Variants in TOM1L2 observed in about 807,000 individuals in gnomAD.
TOM1L2 encodes target of myb1 like 2 membrane trafficking protein, also known as TOM1-like protein 2.
TOM1L2 carries 31 observed loss-of-function variants against 67.9 expected under a neutral mutation model. The observed-to-expected ratio is 0.46, with a 90% CI of 0.34 to 0.62. The LOEUF (loss-of-function observed/expected upper bound fraction) is 0.62. TOM1L2 is among the 20% of genes least tolerant of loss of function. TOM1L2 has a pLI of 0.01. For missense variants in TOM1L2, 606 were observed against 663.5 expected, an observed-to-expected ratio of 0.91 and a Z score of 0.95; for synonymous variants, 256 against 254.0, an observed-to-expected ratio of 1.01 and a Z score of -0.07.
chr17:17,966,741 C>T (rs1043940844), intron 1 of TOM1L2, among the ~76,000 whole-genome samples: 1 of 152,206 alleles, frequency 6.6e-6, no homozygotes, highest in Non-Finnish European at 1.5e-5. Context: ...TTATGTGATA[C>T]AGGGATGATA....
At chr17:17,912,154 T>G (rs2039388948) in intron 1 of TOM1L2, among the ~76,000 whole-genome samples, 1 of 152,240 alleles carries the variant, frequency 6.6e-6, no homozygotes, top group Non-Finnish European at 1.5e-5. Context: ...TGGCCGGTTC[T>G]CAATGAGCCG....
chr17:17,892,773 A>G (rs1283735467), intron 4 of TOM1L2, among the ~76,000 whole-genome samples: 2 of 152,126 alleles, frequency 1.3e-5, no homozygotes, highest in Non-Finnish European at 2.9e-5. Flanking sequence ...CTTCTAACAA[A>G]TAGAATATAA....
intron 1 of TOM1L2, among the ~76,000 whole-genome samples, chr17:17,929,602 GC>G (rs1345470187): frequency 3.9e-5 from 6 of 152,116 alleles, no homozygotes; most frequent in Non-Finnish European, 8.8e-5. Flanking sequence ...TTGTACTCCA[GC>G]CTGGGCAACA....
Position 17,972,387 on chromosome 17 carries a change from C to G in TOM1L2, c.-74G>C. 6.5e-7 allele frequency: 1 copy of G among 1,539,000 alleles called. No homozygotes were observed. The stretch of plus-strand genomic sequence containing the variant: ...GCCTCCGCTGTAACCCGCCGGACTC[C>G]CGTCCTGACTGACACTTGCCCCCTC... On this transcript the variant is annotated 5_prime_UTR_variant, in exon 1 of 15. Coordinates refer to ENST00000379504, the MANE Select transcript of TOM1L2 (RefSeq NM_001082968.2).
intron 2 of TOM1L2, among the ~76,000 whole-genome samples, chr17:17,902,378 T>C (rs1453555268): frequency 6.6e-6 from 1 of 152,112 alleles, no homozygotes; most frequent in Non-Finnish European, 1.5e-5. Context: ...GACCACAGCC[T>C]CCCATTGGTA....
At chr17:17,870,271 A>G (rs1240530900) in intron 7 of TOM1L2, among the ~76,000 whole-genome samples, 2 of 152,192 alleles carry the variant, frequency 1.3e-5, no homozygotes, top group African/African-American at 2.4e-5. Context: ...CCCCGTGACG[A>G]CAGAGCCTTA....
In TOM1L2 at chr17:17,971,434, C is replaced by T. The variant is rs1037854934; in HGVS notation, c.52+828G>A. 2.0e-5 allele frequency among the ~76,000 whole-genome samples: 3 copies of T among 152,090 alleles called. No homozygotes were observed. In the East Asian group the frequency reaches 5.8e-4, roughly 29 times the overall value. On this transcript the variant is annotated intron_variant, in intron 1 of 14. Transcript: ENST00000379504. ...CTTCTTTCCTGGGAGGCACTGCAGG[C>T]ATGCCATCCCCCTGCCAAGATAATC... is the stretch of plus-strand genomic sequence containing the variant.
rs1202940722 is a variant in TOM1L2 at position 17,843,814 on chromosome 17, G to A, written c.*3821C>T. The A allele has an allele frequency of 2.0e-5, 3 of 152,418 alleles. No individual in the cohort carries two copies. The highest frequency in any genetic ancestry group is 1.5e-5 in the Non-Finnish European group (1 of 68,050). The allele number at this position is 152,418 out of a possible 1,614,324, so 9.4% of individuals were successfully genotyped here. On this transcript the variant is annotated 3_prime_UTR_variant, in exon 15 of 15. Transcript: ENST00000379504. ...GAAATAAATATCCGTCCCCCTCTCC[G>A]GGAGAGCCTGGAGGTATGGACAGAC...
intron 4 of TOM1L2, among the ~76,000 whole-genome samples, chr17:17,891,382 G>A (rs1236100834): frequency 6.6e-6 from 1 of 152,246 alleles, no homozygotes; most frequent in Admixed American, 6.5e-5. Flanking sequence ...GCTAGGAGGA[G>A]CTGGAAAGTG....
chr17:17,854,510 TTTAG>T (rs2036160381), intron 12 of TOM1L2, among the ~76,000 whole-genome samples: 1 of 151,790 alleles, frequency 6.6e-6, no homozygotes, highest in African/African-American at 2.4e-5. Flanking sequence ...TATTTATTTA[TTTAG>T]TTATTTATTT....
chr17:17,891,620 G>C (rs1383881901), intron 4 of TOM1L2, among the ~76,000 whole-genome samples: 1 of 152,208 alleles, frequency 6.6e-6, no homozygotes, highest in African/African-American at 2.4e-5. Flanking sequence ...CTGCAGACAG[G>C]CCTCGGGGTC....
chr17:17,950,183 G>A (rs1191438781), intron 1 of TOM1L2, among the ~76,000 whole-genome samples: 2 of 151,858 alleles, frequency 1.3e-5, no homozygotes, highest in East Asian at 1.9e-4. Flanking sequence ...TTGAGATGGC[G>A]TATCACTCTG....
chr17:17,882,966 A>C (rs1160400901), intron 5 of TOM1L2, 103 bp from the exon 6 acceptor site: 6 of 1,432,188 alleles, frequency 4.2e-6, no homozygotes, highest in Non-Finnish European at 5.8e-6. Context: ...GCTGCCCACG[A>C]AAGGCTCAAG....
At chr17:17,911,964 GT>G (rs2039376504) in intron 1 of TOM1L2, among the ~76,000 whole-genome samples, 1 of 149,248 alleles carries the variant, frequency 6.7e-6, no homozygotes, top group Non-Finnish European at 1.5e-5. Context: ...AGAGCACAGG[GT>G]TGGGGGTAAG....
intron 9 of TOM1L2, 140 bp from the exon 10 acceptor site, chr17:17,866,559 CA>C (rs1568101315): frequency 8.7e-7 from 1 of 1,154,630 alleles, no homozygotes; most frequent in Non-Finnish European, 1.2e-6. Flanking sequence ...CCACTTCCCC[CA>C]CCTGCCTTCC....
At chr17:17,913,245 G>C (rs2039482579) in intron 1 of TOM1L2, among the ~76,000 whole-genome samples, 1 of 150,142 alleles carries the variant, frequency 6.7e-6, no homozygotes, top group Non-Finnish European at 1.5e-5. Context: ...AGACGGGGGA[G>C]ACCGTGGGGA....
intron 1 of TOM1L2, among the ~76,000 whole-genome samples, chr17:17,940,081 T>G (rs1006616577): frequency 3.3e-4 from 49 of 150,364 alleles, no homozygotes; most frequent in Non-Finnish European, 5.3e-4. Context: ...TAATCCCAGC[T>G]GCCTGAGAGG....
chr17:17,941,181 G>A (rs2040719951), intron 1 of TOM1L2, among the ~76,000 whole-genome samples: 1 of 152,202 alleles, frequency 6.6e-6, no homozygotes, highest in Non-Finnish European at 1.5e-5. Flanking sequence ...TTGGGGAGGG[G>A]CTACTGGCCC....
rs969402670 is a variant in TOM1L2 at position 17,929,421 on chromosome 17, C to A, written c.53-21890G>T. 1.3e-5 allele frequency among the ~76,000 whole-genome samples: 2 copies of A among 152,126 alleles called. 1 individual carries two copies. Among genetic ancestry groups the A allele is most frequent in the Admixed American group, 1.3e-4 (2 of 15,272 alleles). On this transcript the variant is annotated intron_variant, in intron 1 of 14. Coordinates refer to ENST00000379504, the MANE Select transcript of TOM1L2 (RefSeq NM_001082968.2). ...GGGAGGCAGGTGGATCACCTGAGAT[C>A]GGGAGTTCCAGACCAGCCTGACCAA...
Sources: allele counts gnomAD v4.1 joint callset (sites outside exome capture counted in the v4.1 genomes callset), GRCh38; gene constraint gnomAD v4.1.1; transcripts MANE v1.5; gene names NCBI Gene and HGNC (gene_info 2026-07-23, HGNC 2026-07-21).